Variants in MGAT5 observed in about 807,000 individuals in gnomAD.
MGAT5 encodes the protein alpha-1,6-mannosylglycoprotein 6-beta-N-acetylglucosaminyltransferase A.
A neutral mutation model predicts 94.3 loss-of-function variants in MGAT5; 30 were observed. The observed-to-expected ratio is 0.32, with a 90% CI of 0.24 to 0.43. MGAT5 has a LOEUF of 0.43. Ranked by LOEUF, MGAT5 falls within the 20% of genes least tolerant of loss-of-function variation. The pLI, the probability that MGAT5 is intolerant of heterozygous loss-of-function variation, is 1.00. For missense variants in MGAT5, 691 were observed against 905.5 expected, an observed-to-expected ratio of 0.76 and a Z score of 3.04; for synonymous variants, 310 against 322.9, an observed-to-expected ratio of 0.96 and a Z score of 0.43.
intron 10 of MGAT5, among the ~76,000 whole-genome samples, chr2:134,368,850 C>A (rs995596820): frequency 2.0e-5 from 3 of 152,176 alleles, no homozygotes; most frequent in Admixed American, 6.5e-5. Flanking sequence ...ACCCATTCCA[C>A]CAGGGGCCAC....
At chr2:134,146,294 A>G (rs1358957429) in intron 1 of MGAT5, among the ~76,000 whole-genome samples, 1 of 152,160 alleles carries the variant, frequency 6.6e-6, no homozygotes, top group East Asian at 1.9e-4. Context: ...GCGGTGGCTC[A>G]TGTCTGTAAT....
intron 4 of MGAT5, among the ~76,000 whole-genome samples, chr2:134,333,976 CA>C (rs1267868525): frequency 6.6e-6 from 1 of 152,100 alleles, no homozygotes; most frequent in Non-Finnish European, 1.5e-5. Flanking sequence ...CCTATCACAG[CA>C]TACAAAAACA....
chr2:134,441,592 G>A (rs776875343), intron 14 of MGAT5, among the ~76,000 whole-genome samples, 166 bp from the exon 15 acceptor site: 3 of 152,184 alleles, frequency 2.0e-5, no homozygotes, highest in Non-Finnish European at 2.9e-5. Context: ...TGGGCTGAAG[G>A]CATATTCCAG....
At chr2:134,229,201 A>C (rs892695903) in intron 1 of MGAT5, among the ~76,000 whole-genome samples, 2 of 152,248 alleles carry the variant, frequency 1.3e-5, no homozygotes, top group African/African-American at 4.8e-5. Context: ...ACAGATTAAA[A>C]TCTAATGCAA....
intron 4 of MGAT5, among the ~76,000 whole-genome samples, chr2:134,326,534 C>G (rs1687658920): frequency 2.0e-5 from 3 of 152,030 alleles, no homozygotes; most frequent in African/African-American, 7.2e-5. Flanking sequence ...GCTCCCCCGG[C>G]CTGCATACCA....
intron 1 of MGAT5, among the ~76,000 whole-genome samples, chr2:134,234,350 T>G (rs1045236268): frequency 6.6e-6 from 1 of 152,180 alleles, no homozygotes; most frequent in African/African-American, 2.4e-5. Context: ...CAACAGATAT[T>G]AAGTAGTTAG....
At chr2:134,397,607 T>A (rs1682793994) in intron 10 of MGAT5, among the ~76,000 whole-genome samples, 1 of 152,140 alleles carries the variant, frequency 6.6e-6, no homozygotes, top group African/African-American at 2.4e-5. Context: ...GCGATGCTAT[T>A]TAGGAAGGAG....
At chr2:134,199,562 T>C (rs1679669276) in intron 1 of MGAT5, among the ~76,000 whole-genome samples, 2 of 152,068 alleles carry the variant, frequency 1.3e-5, no homozygotes, top group Admixed American at 1.3e-4. Context: ...TCTGTGAGGA[T>C]GGAGCATTAA....
chr2:134,145,193 GGT>G (rs1348030305), intron 1 of MGAT5, among the ~76,000 whole-genome samples: 201 of 136,942 alleles, frequency 1.5e-3, no homozygotes, highest in African/African-American at 5.7e-3. Flanking sequence ...ACCAAAGTAA[GGT>G]GTGTGTGTGT....
chr2:134,157,410 T>C lies in MGAT5; in HGVS notation c.-143+37119T>C, dbSNP rs1687526528. Among the ~76,000 whole-genome samples, 3 of 152,336 alleles carry C rather than the reference T, an allele frequency of 2.0e-5. No homozygotes were observed. The Middle Eastern group carries it at 0.01, about 518-fold the overall frequency. On this transcript the variant is annotated intron_variant, in intron 1 of 16. Coordinates refer to the MGAT5 transcript ENST00000409645. ...AACATTTGCAAAGTGCTTGGGGGTT[T>C]AGTAAGCCCTTAGTAAATGGTGACC...
chr2:134,388,157 C>G (rs988242174), intron 10 of MGAT5, among the ~76,000 whole-genome samples: 1 of 152,188 alleles, frequency 6.6e-6, no homozygotes, highest in Non-Finnish European at 1.5e-5. Context: ...AGAAAGTGTT[C>G]TTTCTCTCCA....
chr2:134,201,664 G>A (rs1245167367), intron 1 of MGAT5, among the ~76,000 whole-genome samples: 1 of 152,012 alleles, frequency 6.6e-6, no homozygotes, highest in Non-Finnish European at 1.5e-5. Context: ...ATCCTCCACG[G>A]CAGTTGTTAT....
At chr2:134,356,456 G>A (rs1390635124) in intron 9 of MGAT5, among the ~76,000 whole-genome samples, 1 of 152,132 alleles carries the variant, frequency 6.6e-6, no homozygotes, top group African/African-American at 2.4e-5. Flanking sequence ...TTATTTGGTT[G>A]TCGATTTTAT....
At chr2:134,217,238 GGT>G (rs35795776) in intron 1 of MGAT5, among the ~76,000 whole-genome samples, 2,385 of 145,198 alleles carry the variant, frequency 0.016, 86 homozygotes, top group Admixed American at 0.085. Flanking sequence ...GAGAGAGAGT[GGT>G]GTGTGTGTGT....
chr2:134,151,657 C>G lies in MGAT5; in HGVS notation c.-143+31366C>G, dbSNP rs1687186098. 1.1e-4 allele frequency among the ~76,000 whole-genome samples: 3 copies of G among 26,246 alleles called. 1 individual carries two copies. The highest frequency in any genetic ancestry group is 4.4e-4 in the African/African-American group (1 of 2,290). The allele number at this position is 26,246 out of a possible 152,430, so 17.2% of individuals were successfully genotyped here. ...TGGGAGCCTCCCACTGCCATGGGACCTCACTCATGCCCTGTGGGACCCACT... is the reference window on the plus strand; with the variant it reads ...TGGGAGCCTCCCACTGCCATGGGACGTCACTCATGCCCTGTGGGACCCACT... On this transcript the variant is annotated intron_variant, in intron 1 of 16. Transcript: ENST00000409645.
intron 15 of MGAT5, among the ~76,000 whole-genome samples, chr2:134,446,241 T>C (rs968670922): frequency 2.0e-5 from 3 of 152,034 alleles, no homozygotes; most frequent in African/African-American, 7.2e-5. Context: ...TCATGTGTGC[T>C]TCTACCCCGG....
intron 8 of MGAT5, among the ~76,000 whole-genome samples, chr2:134,346,866 G>C (rs1308170115): frequency 6.6e-6 from 1 of 152,136 alleles, no homozygotes; most frequent in Non-Finnish European, 1.5e-5. Context: ...AGTAGTCCAA[G>C]ATATGCCATG....
intron 10 of MGAT5, among the ~76,000 whole-genome samples, chr2:134,399,055 A>G (rs1682880885): frequency 6.6e-6 from 1 of 152,248 alleles, no homozygotes; most frequent in Non-Finnish European, 1.5e-5. Context: ...TAGCTAGAAG[A>G]AAGGACTTGA....
chr2:134,250,392 C>T (rs1682525390), upstream of MGAT5, among the ~76,000 whole-genome samples: 1 of 152,190 alleles, frequency 6.6e-6, no homozygotes, highest in African/African-American at 2.4e-5. Flanking sequence ...ATCTTCTTAG[C>T]TCCAGCAACA....
Sources: allele counts gnomAD v4.1 joint callset (sites outside exome capture counted in the v4.1 genomes callset), GRCh38; gene constraint gnomAD v4.1.1; transcripts MANE v1.5; gene names NCBI Gene and HGNC (gene_info 2026-07-23, HGNC 2026-07-21).